The following ACMSD variants were observed in gnomAD, a reference collection of about 807,000 sequenced individuals.
The protein encoded by ACMSD is aminocarboxymuconate semialdehyde decarboxylase.
A neutral mutation model predicts 45.9 loss-of-function variants in ACMSD; 37 were observed. The ratio of observed to expected loss-of-function variants is 0.81; its 90% CI spans 0.62 to 1.06. The LOEUF (loss-of-function observed/expected upper bound fraction) is 1.06, where lower values mean the gene tolerates loss of function less well. ACMSD is among the 50% of genes least tolerant of loss of function. The pLI is 0.00. For missense variants in ACMSD, 434 were observed against 420.9 expected (o/e 1.03, Z -0.27); for synonymous variants, 138 against 148.8 (o/e 0.93, Z 0.53).
chr2:134,864,425 CCATA>C (rs1433870135), intron 5 of ACMSD, among the ~76,000 whole-genome samples: 2 of 152,104 alleles, frequency 1.3e-5, no homozygotes, highest in African/African-American at 2.4e-5. Context: ...GCCACTGTTA[CCATA>C]CATAGTTACT....
intron 8 of ACMSD, chr2:134,873,661 G>T (rs915677343): frequency 4.6e-5 from 7 of 152,194 alleles, no homozygotes; most frequent in Non-Finnish European, 1.0e-4. Flanking sequence ...TCTGGCTTGA[G>T]AAAATAACCA....
chr2:134,859,338 T>TA lies in ACMSD; in HGVS notation c.181dup (p.Arg61LysfsTer21). On this transcript the variant is annotated frameshift_variant, in exon 3 of 10. Transcript: ENST00000356140. LOFTEE classifies it high-confidence loss of function. Reference sequence around the variant, plus strand: ...ATTGCTGGGATCCAGAAGTTCGTATTAGAGAAATGGACCAAAAAGGTACGA... The same window carrying TA: ...ATTGCTGGGATCCAGAAGTTCGTATTAAGAGAAATGGACCAAAAAGGTACGA... The TA allele has an allele frequency of 1.2e-6, 2 of 1,614,102 alleles. No homozygotes were observed. Among genetic ancestry groups the TA allele is most frequent in the Non-Finnish European group, 1.7e-6 (2 of 1,179,968 alleles).
At chr2:134,845,530 T>TCTCTCA (rs1468949991) in intron 2 of ACMSD, among the ~76,000 whole-genome samples, 1 of 150,954 alleles carries the variant, frequency 6.6e-6, no homozygotes, top group East Asian at 2.0e-4. Flanking sequence ...TCTCTCTCTC[T>TCTCTCA]CTCTCTCTCT....
chr2:134,877,384 A>T (rs543020862), intron 8 of ACMSD: 3 of 152,186 alleles, frequency 2.0e-5, no homozygotes, highest in African/African-American at 7.2e-5. Flanking sequence ...CATGGCCTCT[A>T]TATGTTAGGA....
At chr2:134,843,247 G>C (rs1686888731) in intron 1 of ACMSD, among the ~76,000 whole-genome samples, 1 of 152,138 alleles carries the variant, frequency 6.6e-6, no homozygotes, top group Non-Finnish European at 1.5e-5. Flanking sequence ...ACAAGCAAAG[G>C]AGAGGCTGGA....
At chr2:134,844,032 C>T (rs543955678) in intron 1 of ACMSD, among the ~76,000 whole-genome samples, 2 of 152,350 alleles carry the variant, frequency 1.3e-5, no homozygotes, top group South Asian at 4.1e-4. Flanking sequence ...CTAACCTTCA[C>T]TTTTATTTTC....
At position 134,842,960 on chromosome 2, in the gene ACMSD, A is replaced by G. The variant is rs189816853; in HGVS notation, c.58-2273A>G. On this transcript the variant is annotated intron_variant, in intron 1 of 9. Coordinates refer to ENST00000356140, the MANE Select transcript of ACMSD (RefSeq NM_138326.3). The stretch of plus-strand genomic sequence containing the variant: ...TTACAGTTCCTTACAGAATTACAAG[A>G]AAGTAACAAAGAAAGAGAGTGAGGA... Among the ~76,000 whole-genome samples the G allele has an allele frequency of 1.2e-3, 184 of 152,324 alleles. 1 individual carries two copies. Among genetic ancestry groups the G allele is most frequent in the Admixed American group, 2.7e-3 (42 of 15,300 alleles).
chr2:134,890,901 G>C (rs185863680), intron 8 of ACMSD, among the ~76,000 whole-genome samples: 1 of 152,098 alleles, frequency 6.6e-6, no homozygotes, highest in African/African-American at 2.4e-5. Flanking sequence ...ATAAAAAATA[G>C]GAGTTCAGAC....
chr2:134,871,038 G>C lies in ACMSD; in HGVS notation c.654G>C (p.Leu218=). 1 of 1,614,126 alleles carries C rather than the reference G, an allele frequency of 6.2e-7. No individual in the cohort carries two copies. Among genetic ancestry groups the C allele is most frequent in the Non-Finnish European group, 8.5e-7 (1 of 1,179,998 alleles). ...MGGVFEKFPK[L]KVCFAHGGGA... ...GAGTATTTGAGAAGTTTCCCAAACT[G>C]AAAGTGTGTTTCGCACATGGTGGTA... is the stretch of plus-strand genomic sequence containing the variant. The change falls in exon 7 of 10, where the codon CTG becomes CTC. Residue 218 remains leucine, a synonymous_variant. Coordinates refer to ENST00000356140, the MANE Select transcript of ACMSD (RefSeq NM_138326.3).
At chr2:134,863,042 G>A (rs1404760316) in intron 4 of ACMSD, 7 of 980,028 alleles carry the variant, frequency 7.1e-6, no homozygotes, top group East Asian at 1.2e-4. Flanking sequence ...GGCCAGGCCC[G>A]ACCTCCTGGG....
intron 5 of ACMSD, among the ~76,000 whole-genome samples, chr2:134,864,711 G>T (rs965040085): frequency 1.5e-4 from 23 of 152,180 alleles, no homozygotes; most frequent in African/African-American, 5.5e-4. Context: ...ATGAAACTAG[G>T]TGGTGGGTAT....
chr2:134,848,458 T>C (rs960491162), intron 2 of ACMSD, among the ~76,000 whole-genome samples: 13 of 152,228 alleles, frequency 8.5e-5, no homozygotes, highest in African/African-American at 2.9e-4. Context: ...CCTGACTTTT[T>C]AATGATAGCC....
At chr2:134,900,621 C>G (rs144450915) in intron 9 of ACMSD, among the ~76,000 whole-genome samples, 1,735 of 152,260 alleles carry the variant, frequency 0.011, 25 homozygotes, top group Non-Finnish European at 0.015. Flanking sequence ...CATCTTCTAT[C>G]TGTGTAACTG....
chr2:134,859,209 T>C, intron 2 of ACMSD, 52 bp from the exon 3 acceptor site: 5 of 1,426,522 alleles, frequency 3.5e-6, no homozygotes, highest in Non-Finnish European at 4.9e-6. Context: ...GAGGAAAGAT[T>C]AGTCCAAGTG....
intron 8 of ACMSD, among the ~76,000 whole-genome samples, chr2:134,877,257 C>T (rs1573682473): frequency 6.6e-6 from 1 of 152,320 alleles, no homozygotes; most frequent in African/African-American, 2.4e-5. Context: ...GGACCACCAT[C>T]ACATACACAG....
At chr2:134,847,435 GATAGATAGATAGAT>G (rs1687110406) in intron 2 of ACMSD, among the ~76,000 whole-genome samples, 1 of 148,774 alleles carries the variant, frequency 6.7e-6, no homozygotes, top group Non-Finnish European at 1.5e-5. Flanking sequence ...TAGATAGATA[GATAGATAGATAGAT>G]ATAGATAGAG....
chr2:134,874,900 G>A (rs1442094612), intron 8 of ACMSD, among the ~76,000 whole-genome samples: 1 of 152,186 alleles, frequency 6.6e-6, no homozygotes, highest in African/African-American at 2.4e-5. Context: ...ACTCTCTAAA[G>A]TTAGTAAACT....
At chr2:134,887,652 C>T (rs1689537757) in intron 8 of ACMSD, among the ~76,000 whole-genome samples, 1 of 152,238 alleles carries the variant, frequency 6.6e-6, no homozygotes, top group African/African-American at 2.4e-5. Context: ...TATCCTCCCA[C>T]CTTGGCCTCC....
intron 8 of ACMSD, among the ~76,000 whole-genome samples, chr2:134,885,812 C>T (rs1364872656): frequency 2.0e-5 from 3 of 151,990 alleles, no homozygotes; most frequent in African/African-American, 7.3e-5. Context: ...GTGGGTTTCC[C>T]GAGAGGGTCT....
Sources: allele counts gnomAD v4.1 joint callset (sites outside exome capture counted in the v4.1 genomes callset), GRCh38; gene constraint gnomAD v4.1.1; transcripts MANE v1.5; gene names NCBI Gene and HGNC (gene_info 2026-07-23, HGNC 2026-07-21).